Variants in CNOT1 observed in about 807,000 individuals in gnomAD.
CNOT1 encodes the protein CCR4-NOT transcription complex subunit 1, also known as CCR4-associated factor 1.
Under a neutral mutation model 273.8 loss-of-function variants are expected in CNOT1, and 15 were observed. The observed-to-expected ratio is 0.05, with a 90% CI of 0.04 to 0.08. CNOT1 has a LOEUF of 0.08. CNOT1 is among the 10% of genes least tolerant of loss of function. CNOT1 has a pLI of 1.00. For missense variants in CNOT1, 1,644 were observed against 2,912.2 expected (o/e 0.56, Z 10.02); for synonymous variants, 1,022 against 1,005.5 (o/e 1.02, Z -0.31).
chr16:58,615,107 C>T lies in CNOT1; in HGVS notation c.-175+14621G>A, dbSNP rs1270894895. ...GTGGACTTGGGAACTGTCCCCAACA[C>T]GCTTGCCCAGCAGAGATGAAATATC... On this transcript the variant is annotated intron_variant, in intron 1 of 48. Coordinates refer to ENST00000317147, the MANE Select transcript of CNOT1 (RefSeq NM_016284.5). Among the ~76,000 whole-genome samples the T allele has an allele frequency of 4.8e-5, 6 of 124,544 alleles. 1 individual carries two copies. The highest frequency in any genetic ancestry group is 1.6e-4 in the African/African-American group (6 of 36,876). The allele number at this position is 124,544 out of a possible 152,430, so 81.7% of individuals were successfully genotyped here.
intron 46 of CNOT1, among the ~76,000 whole-genome samples, chr16:58,524,788 A>G (rs2039529992): frequency 6.6e-6 from 1 of 152,214 alleles, no homozygotes; most frequent in Non-Finnish European, 1.5e-5. Context: ...AGTCCTATTC[A>G]TTAATCTTTA....
rs751255398 is a variant in CNOT1 at position 58,521,050 on chromosome 16, A to G, written c.7053-14T>C. On this transcript the variant is annotated splice_polypyrimidine_tract_variant and intron_variant, in intron 48 of 48. Transcript: ENST00000317147. ...GACTGGAATAACCTGAAGGATGAAG[A>G]CAGTTACAAATCTCTGATTAAAGAG... The G allele has an allele frequency of 2.5e-6, 4 of 1,614,132 alleles. No homozygotes were observed. The Admixed American group carries it at 6.7e-5, about 27-fold the overall frequency.
chr16:58,554,727 G>A (rs1356007131), intron 21 of CNOT1, among the ~76,000 whole-genome samples: 2 of 150,988 alleles, frequency 1.3e-5, no homozygotes, highest in Non-Finnish European at 3.0e-5. Flanking sequence ...CCCGAGGTCA[G>A]GAGTTCAAGA....
chr16:58,596,903 AAAAAAAAAAAAAAAC>A (rs2042278907), intron 2 of CNOT1, among the ~76,000 whole-genome samples: 2 of 149,726 alleles, frequency 1.3e-5, no homozygotes, highest in Admixed American at 1.3e-4. Flanking sequence ...AAAAAAAAAA[AAAAAAAAAAAAAAAC>A]AAAAGTCAAT....
At chr16:58,528,359 C>A (rs1313824217) in intron 44 of CNOT1, 116 bp downstream of exon 44, 1 of 759,762 alleles carries the variant, frequency 1.3e-6, no homozygotes, top group African/African-American at 1.7e-5. Context: ...TAAAGAGTAC[C>A]CTTAACTAAT....
intron 1 of CNOT1, among the ~76,000 whole-genome samples, chr16:58,612,552 A>G (rs2042936921): frequency 6.6e-6 from 1 of 152,126 alleles, no homozygotes; most frequent in African/African-American, 2.4e-5. Context: ...CAGCCTGGTC[A>G]ATATGGCAAA....
At chr16:58,603,011 C>T (rs1209165669) in intron 1 of CNOT1, among the ~76,000 whole-genome samples, 1 of 152,116 alleles carries the variant, frequency 6.6e-6, no homozygotes, top group Non-Finnish European at 1.5e-5. Context: ...GGAGCCAATA[C>T]CTATAGCCAA....
chr16:58,590,035 T>G (rs1249489957), intron 2 of CNOT1, among the ~76,000 whole-genome samples: 2 of 152,242 alleles, frequency 1.3e-5, no homozygotes, highest in Admixed American at 1.3e-4. Flanking sequence ...GCTAATTTGT[T>G]TATTGAAATT....
intron 1 of CNOT1, among the ~76,000 whole-genome samples, chr16:58,612,657 T>C (rs1338030879): frequency 6.6e-6 from 1 of 152,142 alleles, no homozygotes; most frequent in Non-Finnish European, 1.5e-5. Context: ...GAGAATAGCT[T>C]GAACCCAGGA....
chr16:58,541,495 A>G lies in CNOT1; in HGVS notation c.4800+6T>C. 1.2e-6 allele frequency: 2 copies of G among 1,612,634 alleles called. No individual in the cohort carries two copies. The highest frequency in any genetic ancestry group is 3.3e-4 in the Middle Eastern group (2 of 6,052). ...AAACACTCAATTTAATCTAAAACAC[A>G]TTTACCTTCATGGGCTGGGCTAAAA... On this transcript the variant is annotated splice_donor_region_variant and intron_variant, in intron 34 of 48. Transcript: ENST00000317147.
chr16:58,589,187 C>T (rs1054676044), intron 2 of CNOT1, among the ~76,000 whole-genome samples: 10 of 152,134 alleles, frequency 6.6e-5, no homozygotes, highest in Non-Finnish European at 1.5e-4. Flanking sequence ...CAGGCATACA[C>T]CACTGCTTCC....
intron 21 of CNOT1, among the ~76,000 whole-genome samples, chr16:58,554,320 G>T (rs1291539629): frequency 6.6e-6 from 1 of 152,152 alleles, no homozygotes; most frequent in Non-Finnish European, 1.5e-5. Context: ...ATCAGAGATT[G>T]GAAGTCAGGG....
intron 16 of CNOT1, among the ~76,000 whole-genome samples, chr16:58,574,138 T>C (rs1461956894): frequency 6.6e-6 from 1 of 150,730 alleles, no homozygotes; most frequent in Non-Finnish European, 1.5e-5. Context: ...CAGCTGAGAG[T>C]GGGTGGCACG....
At chr16:58,600,020 G>A (rs572019653) in intron 1 of CNOT1, among the ~76,000 whole-genome samples, 4 of 152,052 alleles carry the variant, frequency 2.6e-5, no homozygotes, top group East Asian at 1.9e-4. Context: ...CTGAGATCGC[G>A]CCATTGCACT....
rs749879251 is a variant in CNOT1 at position 58,578,824 on chromosome 16, C to A, written c.1459G>T (p.Ala487Ser). The change falls in exon 13 of 49, where the codon GCC (alanine) becomes TCC (serine). Residue 487 changes from alanine to serine, a missense_variant. Around this residue, in one of 13 missense-constraint regions of CNOT1, gnomAD observed 706 missense variants for 1,021.2 expected, o/e 0.69. Transcript: ENST00000317147. ...IKHCPDMLVL[A>S]LLQINTSWHT... The stretch of plus-strand genomic sequence containing the variant: ...CAAGAGGTGTTAATTTGTAGTAAGG[C>A]CAATACCAGCATGTCTGGACAGTGT... 1 of 1,614,090 alleles carries A rather than the reference C, an allele frequency of 6.2e-7. No homozygotes were observed.
At chr16:58,572,907 C>CAA (rs1316404648) in intron 16 of CNOT1, among the ~76,000 whole-genome samples, 10 of 67,236 alleles carry the variant, frequency 1.5e-4, no homozygotes, top group East Asian at 4.2e-4. Context: ...GACTCTGTCT[C>CAA]AAAAAAAAAA....
Position 58,539,812 on chromosome 16 carries a change from G to T in CNOT1, c.4948C>A (p.Arg1650=). ...GCAGCTATGGCATCCCGAGAGTTTC[G>T]AGATAAAACTACAACCTCCAAGAGA... is the stretch of plus-strand genomic sequence containing the variant. ...RSLLEVVVLS[R]NSRDAIAALG... The change falls in exon 35 of 49, where the codon CGA becomes AGA. Residue 1650 remains arginine (R), a synonymous_variant. Coordinates refer to ENST00000317147, the MANE Select transcript of CNOT1 (RefSeq NM_016284.5). 1.2e-6 allele frequency: 2 copies of T among 1,613,936 alleles called. No homozygotes were observed. The highest frequency in any genetic ancestry group is 2.2e-5 in the East Asian group (1 of 44,862).
At chr16:58,566,569 C>T (rs1200833002) in intron 16 of CNOT1, among the ~76,000 whole-genome samples, 3 of 152,162 alleles carry the variant, frequency 2.0e-5, no homozygotes, top group South Asian at 4.1e-4. Flanking sequence ...AACTGTAGAA[C>T]ATTTAGAGCT....
intron 19 of CNOT1, 26 bp from the exon 20 acceptor site, chr16:58,555,934 T>C (rs1240780339): frequency 1.2e-6 from 2 of 1,607,538 alleles, no homozygotes; most frequent in Non-Finnish European, 1.7e-6. Context: ...AAGGAATCAG[T>C]GGGCATTTAA....
Sources: allele counts gnomAD v4.1 joint callset (sites outside exome capture counted in the v4.1 genomes callset), GRCh38; gene constraint gnomAD v4.1.1; regional missense constraint gnomAD v4.1.1; transcripts MANE v1.5; gene names NCBI Gene and HGNC (gene_info 2026-07-23, HGNC 2026-07-21).